The following HDAC4 variants were observed in gnomAD, a reference collection of about 807,000 sequenced individuals.
The protein encoded by HDAC4 is histone deacetylase A.
HDAC4 carries 16 observed loss-of-function variants against 135.1 expected under a neutral mutation model. That is an observed-to-expected ratio of 0.12 (90% confidence interval 0.08 to 0.18). The LOEUF is 0.18. Among genes scored for constraint, HDAC4 ranks in the 10% least tolerant of loss-of-function variants. HDAC4 has a pLI of 1.00. For missense variants in HDAC4, 1,143 were observed against 1,511.8 expected (o/e 0.76, Z 4.05); for synonymous variants, 685 against 653.4 (o/e 1.05, Z -0.74).
At chr2:239,312,577 T>G (rs2052934789) in intron 2 of HDAC4, among the ~76,000 whole-genome samples, 1 of 152,236 alleles carries the variant, frequency 6.6e-6, no homozygotes, top group Non-Finnish European at 1.5e-5. Context: ...CTGCTGGGCT[T>G]CAGCAGAAGC....
intron 22 of HDAC4, among the ~76,000 whole-genome samples, chr2:239,080,516 A>G (rs1273458749): frequency 6.6e-6 from 1 of 152,248 alleles, no homozygotes; most frequent in Non-Finnish European, 1.5e-5. Flanking sequence ...TTTGGGTCAC[A>G]GGAATGACCC....
chr2:239,373,816 G>A (rs970292392), intron 1 of HDAC4, among the ~76,000 whole-genome samples: 4 of 152,150 alleles, frequency 2.6e-5, no homozygotes, highest in African/African-American at 9.7e-5. Flanking sequence ...TTTTTATTCT[G>A]TCAATTGCAT....
chr2:239,331,817 C>T lies in HDAC4; in HGVS notation c.22+20861G>A, dbSNP rs539901110. Among the ~76,000 whole-genome samples the T allele has an allele frequency of 6.6e-6, 1 of 152,238 alleles. No homozygotes were observed. Among genetic ancestry groups the T allele is most frequent in the East Asian group, 1.9e-4 (1 of 5,172 alleles). ...GTGGAAAGAGGGCACACTCGGCCCGCGTGTCCTCCAGAGGCTGAGGAGCGG... is the reference window on the plus strand; with the variant it reads ...GTGGAAAGAGGGCACACTCGGCCCGTGTGTCCTCCAGAGGCTGAGGAGCGG... On this transcript the variant is annotated intron_variant, in intron 2 of 26. Coordinates refer to ENST00000543185, the MANE Select transcript of HDAC4 (RefSeq NM_001378414.1). This position sits in a 1 kb window ranked among gnomAD's most constrained non-coding sequence, Gnocchi z 4.5.
chr2:239,395,121 C>T (rs1696473451), intron 1 of HDAC4, among the ~76,000 whole-genome samples: 1 of 152,174 alleles, frequency 6.6e-6, no homozygotes, highest in African/African-American at 2.4e-5. Context: ...TGTGCAAAGG[C>T]CCCGAGGTCA....
chr2:239,189,822 C>T lies in HDAC4; in HGVS notation c.339+11G>A. 6.2e-7 allele frequency: 1 copy of T among 1,601,912 alleles called. No individual in the cohort carries two copies. Among genetic ancestry groups the T allele is most frequent in the Non-Finnish European group, 8.5e-7 (1 of 1,178,898 alleles). On this transcript the variant is annotated intron_variant, in intron 4 of 26. Transcript: ENST00000543185. ...GGCCTGGCCCACCCGCAGCCCCGCACCGCGCCTCACCTTGATGTGCTCGTG... is the reference window on the plus strand; with the variant it reads ...GGCCTGGCCCACCCGCAGCCCCGCATCGCGCCTCACCTTGATGTGCTCGTG...
At chr2:239,109,482 T>G (rs895210394) in intron 14 of HDAC4, among the ~76,000 whole-genome samples, 11 of 152,164 alleles carry the variant, frequency 7.2e-5, no homozygotes, top group Admixed American at 6.5e-4. Context: ...AGGATACACT[T>G]GGTGCATATT....
intron 2 of HDAC4, among the ~76,000 whole-genome samples, chr2:239,284,912 T>C (rs1406087513): frequency 1.3e-5 from 2 of 152,138 alleles, no homozygotes; most frequent in Non-Finnish European, 2.9e-5. Flanking sequence ...AGGGTATATT[T>C]AGAGGCTCAG....
chr2:239,166,771 G>C (rs1381930990), intron 5 of HDAC4, among the ~76,000 whole-genome samples: 2 of 152,168 alleles, frequency 1.3e-5, no homozygotes, highest in African/African-American at 2.4e-5. Context: ...GGAATAAAAG[G>C]AAAGGCCGGG....
chr2:239,370,287 C>T (rs1694512651), intron 1 of HDAC4, among the ~76,000 whole-genome samples: 1 of 152,218 alleles, frequency 6.6e-6, no homozygotes, highest in Non-Finnish European at 1.5e-5. Flanking sequence ...CCCCACAGCT[C>T]TGAAATGTTC....
At chr2:239,084,365 C>T in intron 19 of HDAC4, 123 bp from the exon 20 acceptor site, 1 of 714,082 alleles carries the variant, frequency 1.4e-6, no homozygotes, top group Non-Finnish European at 2.5e-6. Flanking sequence ...GTGCAGAGCT[C>T]CTGAATACGT....
At chr2:239,274,409 C>T (rs994583283) in intron 2 of HDAC4, among the ~76,000 whole-genome samples, 4 of 152,126 alleles carry the variant, frequency 2.6e-5, no homozygotes, top group South Asian at 2.1e-4. Context: ...TGCACCCCGG[C>T]GTCCCCTCCC....
At chr2:239,170,836 C>A (rs930031071) in intron 5 of HDAC4, among the ~76,000 whole-genome samples, 4 of 152,066 alleles carry the variant, frequency 2.6e-5, no homozygotes, top group Non-Finnish European at 5.9e-5. Flanking sequence ...CGGAAGAGGC[C>A]CTTGATAGGG....
intron 2 of HDAC4, among the ~76,000 whole-genome samples, chr2:239,270,304 G>A (rs1158650325): frequency 1.3e-5 from 2 of 152,228 alleles, no homozygotes; most frequent in Admixed American, 1.3e-4. Context: ...GAAATTCTGA[G>A]CAAGCCGAAA....
chr2:239,296,565 G>A (rs781067431), intron 2 of HDAC4, among the ~76,000 whole-genome samples: 3 of 152,220 alleles, frequency 2.0e-5, no homozygotes, highest in Non-Finnish European at 4.4e-5. Flanking sequence ...ATGCTGGCCG[G>A]CATTTAAGAG....
At chr2:239,096,134 C>T (rs1468834130) in intron 16 of HDAC4, among the ~76,000 whole-genome samples, 2 of 152,152 alleles carry the variant, frequency 1.3e-5, no homozygotes, top group East Asian at 3.9e-4. Context: ...AGGAGTTGGC[C>T]ATAGGTCCAT....
chr2:239,107,614 T>C (rs927521782), intron 15 of HDAC4, among the ~76,000 whole-genome samples: 4 of 152,198 alleles, frequency 2.6e-5, no homozygotes, highest in African/African-American at 9.7e-5. Flanking sequence ...AAGAGAAAAT[T>C]ATTTTAACAA....
At chr2:239,110,095 G>C (rs1408862836) in intron 14 of HDAC4, among the ~76,000 whole-genome samples, 1 of 152,222 alleles carries the variant, frequency 6.6e-6, no homozygotes, top group Non-Finnish European at 1.5e-5. Context: ...AGACACAACA[G>C]AGTCCCGTCT....
chr2:239,211,285 A>G (rs3791600), intron 3 of HDAC4, among the ~76,000 whole-genome samples: 12,982 of 152,250 alleles, frequency 0.085, 1,500 homozygotes, highest in African/African-American at 0.26. Flanking sequence ...CCCTCACAAT[A>G]CAAAATCACT....
intron 13 of HDAC4, among the ~76,000 whole-genome samples, chr2:239,113,102 T>C (rs988955330): frequency 2.6e-5 from 4 of 151,888 alleles, no homozygotes; most frequent in Non-Finnish European, 4.4e-5. Flanking sequence ...AACAAAAAAT[T>C]AGCCAGGCGT....
Sources: allele counts gnomAD v4.1 joint callset (sites outside exome capture counted in the v4.1 genomes callset), GRCh38; gene constraint gnomAD v4.1.1; non-coding constraint Gnocchi (gnomAD v3.1); transcripts MANE v1.5; gene names NCBI Gene and HGNC (gene_info 2026-07-23, HGNC 2026-07-21).